The following ZC3H11A variants were observed in gnomAD, a reference collection of about 807,000 sequenced individuals.
The protein encoded by ZC3H11A is zinc finger CCCH domain-containing protein 11A.
In ZC3H11A, 22 loss-of-function variants were observed where a neutral mutation model predicts 90.8. The ratio of observed to expected loss-of-function variants is 0.24; its 90% CI spans 0.17 to 0.35. ZC3H11A has a LOEUF of 0.35. Ranked by LOEUF, ZC3H11A falls within the 10% of genes least tolerant of loss-of-function variation. The pLI, the probability that ZC3H11A is intolerant of heterozygous loss-of-function variation, is 1.00. For missense variants in ZC3H11A, 701 were observed against 964.9 expected, an observed-to-expected ratio of 0.73 and a Z score of 3.62; for synonymous variants, 294 against 339.8, an observed-to-expected ratio of 0.87 and a Z score of 1.48.
At chr1:203,798,454 A>G in intron 1 of ZC3H11A, 1 of 1,536,118 alleles carries the variant, frequency 6.5e-7, no homozygotes, top group Non-Finnish European at 8.7e-7. Flanking sequence ...CGACACCTGC[A>G]AGCCACACAT....
rs1383874095 is a variant in ZC3H11A at position 203,833,842 on chromosome 1, A to G, written c.863A>G (p.Lys288Arg). ...CTTACTGAGAGACTGGGGAAACGAA[A>G]ATTTTCAGCAGGTAAGATAAGTTTT... Reference protein sequence around the residue: ...LSLTERLGKRKFSAGGDSDPP... With the variant: ...LSLTERLGKRRFSAGGDSDPP... Residue 288 changes from lysine to arginine, a missense_variant, in exon 10 of 18, where the codon AAA (lysine) becomes AGA (arginine). Physicochemically the swap from Lys to Arg is conservative, Grantham distance 26. This residue lies in a region of ZC3H11A where 530 missense variants were observed against 696.2 expected (regional missense o/e 0.76). Transcript: ENST00000367210. The G allele has an allele frequency of 1.2e-6, 2 of 1,609,888 alleles. No individual in the cohort carries two copies. Among genetic ancestry groups the G allele is most frequent in the African/African-American group, 1.3e-5 (1 of 74,654 alleles).
At chr1:203,851,217 A>T in intron 17 of ZC3H11A, 93 bp downstream of exon 17, 1 of 1,132,232 alleles carries the variant, frequency 8.8e-7, no homozygotes, top group South Asian at 1.5e-5. Context: ...CTTTAGCAAC[A>T]TTCAAATAAA....
chr1:203,797,789 G>A, intron 1 of ZC3H11A: 2 of 1,536,038 alleles, frequency 1.3e-6, no homozygotes, highest in East Asian at 2.4e-5. Context: ...GTAAGGATTT[G>A]GGATCTGGGA....
rs1186015901 is a variant in ZC3H11A, at chr1:203,828,445, AAAG to A, written c.298+26_298+28del. 4.4e-6 allele frequency: 7 copies of A among 1,582,506 alleles called. No individual in the cohort carries two copies. The Admixed American group carries it at 1.3e-4, about 28-fold the overall frequency. ...AAAGTGAGATCAGTTTTTAATTTTA[AAAG>A]AATATCAAATGAACACCTATTATGC... On this transcript the variant is annotated intron_variant, in intron 5 of 17. Coordinates refer to ENST00000367210, the MANE Select transcript of ZC3H11A (RefSeq NM_001376342.1).
intron 12 of ZC3H11A, among the ~76,000 whole-genome samples, chr1:203,841,782 G>GC (rs1211052971): frequency 2.2e-4 from 33 of 148,520 alleles, no homozygotes; most frequent in African/African-American, 6.7e-4. Context: ...GGGTGGAGGC[G>GC]CCCCCCACCT....
chr1:203,798,937 T>C (rs1257896011), intron 1 of ZC3H11A: 1 of 1,536,000 alleles, frequency 6.5e-7, no homozygotes, highest in African/African-American at 1.4e-5. Context: ...TTCTTAACTT[T>C]AGAGAATGTT....
chr1:203,800,533 A>T (rs929937859), intron 1 of ZC3H11A: 3 of 1,363,460 alleles, frequency 2.2e-6, no homozygotes, highest in East Asian at 5.1e-5. Context: ...TAGTTGTTAA[A>T]TATAATCATT....
chr1:203,836,499 C>T (rs1207307662), intron 10 of ZC3H11A, among the ~76,000 whole-genome samples: 2 of 152,208 alleles, frequency 1.3e-5, no homozygotes, highest in Non-Finnish European at 2.9e-5. Flanking sequence ...CCTGTAATCC[C>T]AGCACTTTGA....
intron 2 of ZC3H11A, among the ~76,000 whole-genome samples, chr1:203,803,466 C>T (rs1242767673): frequency 6.6e-6 from 1 of 152,222 alleles, no homozygotes; most frequent in Admixed American, 6.5e-5. Context: ...GCTGGGATTA[C>T]AGGCATGAGC....
Position 203,849,953 on chromosome 1 carries a change from A to G in ZC3H11A, c.1866A>G (p.Val622=). The change falls in exon 15 of 18, where the codon GTA becomes GTG. Residue 622 remains valine, a synonymous_variant. Coordinates refer to ENST00000367210, the MANE Select transcript of ZC3H11A (RefSeq NM_001376342.1). ...LPTKSSQKVE[V]ETSGIGDSLL... The stretch of plus-strand genomic sequence containing the variant: ...CAAAGTCATCCCAGAAGGTGGAGGT[A>G]GAAACCTCAGGGATTGGAGACTCAT... The G allele has an allele frequency of 1.2e-6, 2 of 1,614,134 alleles. No homozygotes were observed. The highest frequency in any genetic ancestry group is 1.7e-6 in the Non-Finnish European group (2 of 1,180,022).
intron 4 of ZC3H11A, among the ~76,000 whole-genome samples, chr1:203,819,525 TC>T (rs143717309): frequency 0.14 from 17,141 of 120,442 alleles, 1,343 homozygotes; most frequent in East Asian, 0.32. Flanking sequence ...CCCAGCTGAC[TC>T]CAATTTTTTT....
At chr1:203,796,227 C>A in intron 1 of ZC3H11A, 1 of 392,908 alleles carries the variant, frequency 2.5e-6, no homozygotes, top group Non-Finnish European at 4.5e-6. Context: ...TGAGCGGACC[C>A]TCACTGCCTA....
intron 2 of ZC3H11A, among the ~76,000 whole-genome samples, chr1:203,813,273 C>T (rs533729647): frequency 1.7e-4 from 26 of 151,830 alleles, no homozygotes; most frequent in Admixed American, 3.9e-4. Context: ...GTGGTGTGAT[C>T]TCAGCTCACT....
intron 1 of ZC3H11A, chr1:203,798,021 C>A: frequency 6.5e-7 from 1 of 1,534,048 alleles, no homozygotes; most frequent in Non-Finnish European, 8.7e-7. Context: ...AGGTAGCCAT[C>A]TTGGTACATC....
At chr1:203,837,508 T>TAGTATTATGATCATAGCTC in intron 10 of ZC3H11A, among the ~76,000 whole-genome samples, 1 of 151,764 alleles carries the variant, frequency 6.6e-6, no homozygotes, top group Middle Eastern at 3.4e-3. Context: ...GGCAGGAGTG[T>TAGTATTATGATCATAGCTC]AGTATTATGA....
At chr1:203,818,414 C>T (rs35988171) in intron 3 of ZC3H11A, among the ~76,000 whole-genome samples, 156 bp from the exon 4 acceptor site, 16,011 of 152,036 alleles carry the variant, frequency 0.11, 1,124 homozygotes, top group Non-Finnish European at 0.15. Flanking sequence ...TTGTTGCTCT[C>T]GGTTTGTTCC....
chr1:203,813,833 C>T (rs1675325680), intron 2 of ZC3H11A, among the ~76,000 whole-genome samples: 1 of 151,986 alleles, frequency 6.6e-6, no homozygotes, highest in Non-Finnish European at 1.5e-5. Context: ...CATCACATTC[C>T]CTCTGTACAT....
intron 10 of ZC3H11A, 83 bp downstream of exon 10, chr1:203,833,936 G>T: frequency 6.7e-7 from 1 of 1,497,744 alleles, no homozygotes; most frequent in Admixed American, 2.1e-5. Flanking sequence ...TTTTTATACA[G>T]ATCTTTGTTA....
rs370573521 is a variant in ZC3H11A, at chr1:203,829,774, A to G, written c.503-6A>G. The stretch of plus-strand genomic sequence containing the variant: ...TTGTGAATTTGCCTTAAATGTTGAT[A>G]TATAGATCAGTTTTCTGAGGAAGGT... On this transcript the variant is annotated splice_region_variant and splice_polypyrimidine_tract_variant and intron_variant, in intron 6 of 17. Transcript: ENST00000367210. 1.9e-6 allele frequency: 3 copies of G among 1,613,852 alleles called. No individual in the cohort carries two copies. The highest frequency in any genetic ancestry group is 2.5e-6 in the Non-Finnish European group (3 of 1,179,738).
Sources: gnomAD v4.1 joint callset for allele counts (sites outside exome capture counted in the v4.1 genomes callset) on GRCh38, gnomAD v4.1.1 for gene constraint, gnomAD v4.1.1 regional missense constraint, MANE v1.5 for transcripts, NCBI Gene and HGNC (gene_info 2026-07-23, HGNC 2026-07-21) for gene names.